Variants in LRP1B observed in about 807,000 individuals in gnomAD.
The protein encoded by LRP1B is LDL receptor related protein 1B, also known as low-density lipoprotein receptor-related protein 1B.
In LRP1B, 217 loss-of-function variants were observed where a neutral mutation model predicts 556.6. The ratio of observed to expected loss-of-function variants is 0.39; its 90% CI spans 0.35 to 0.44. The LOEUF is 0.44. Ranked by LOEUF, LRP1B falls within the 20% of genes least tolerant of loss-of-function variation. The probability of loss-of-function intolerance (pLI) is 1.00; values close to 1 mark genes in which losing one functional copy is unlikely to be tolerated. For missense variants in LRP1B, 5,053 were observed against 5,620.8 expected (o/e 0.90, Z 3.23); for synonymous variants, 2,047 against 1,865.8 (o/e 1.10, Z -2.50).
At chr2:140,315,461 G>C (rs1020317507) in intron 82 of LRP1B, among the ~76,000 whole-genome samples, 1 of 151,832 alleles carries the variant, frequency 6.6e-6, no homozygotes, top group Non-Finnish European at 1.5e-5. Flanking sequence ...CACCCAGACT[G>C]GTGGGCAGTG....
At chr2:141,384,527 G>C (rs1689760491) in intron 3 of LRP1B, among the ~76,000 whole-genome samples, 1 of 152,082 alleles carries the variant, frequency 6.6e-6, no homozygotes, top group South Asian at 2.1e-4. Flanking sequence ...GAATTTCTGG[G>C]GTGCCAGATG....
At chr2:142,084,373 C>T (rs1475367151) in intron 1 of LRP1B, among the ~76,000 whole-genome samples, 3 of 152,146 alleles carry the variant, frequency 2.0e-5, no homozygotes, top group Non-Finnish European at 1.5e-5. Flanking sequence ...TCTGAACCTT[C>T]GATTTTGACA....
intron 32 of LRP1B, among the ~76,000 whole-genome samples, chr2:140,785,871 GTT>G (rs1438773235): frequency 2.0e-5 from 3 of 152,254 alleles, no homozygotes; most frequent in African/African-American, 7.2e-5. Flanking sequence ...GACGGTCACT[GTT>G]TTTTCCCTCT....
chr2:140,258,399 A>C (rs1286816345), intron 86 of LRP1B, among the ~76,000 whole-genome samples: 2 of 152,026 alleles, frequency 1.3e-5, no homozygotes, highest in Non-Finnish European at 2.9e-5. Context: ...CCTAAATAGA[A>C]CTTGAGCTGG....
At chr2:140,495,524 T>C in intron 56 of LRP1B, 41 bp downstream of exon 56, 2 of 1,536,244 alleles carry the variant, frequency 1.3e-6, no homozygotes, top group Non-Finnish European at 8.9e-7. Context: ...GATCCATATG[T>C]ATAACTGAGG....
At chr2:140,372,952 T>G (rs1683057632) in intron 69 of LRP1B, 56 bp downstream of exon 69, 1 of 1,591,184 alleles carries the variant, frequency 6.3e-7, no homozygotes. Flanking sequence ...TGCTTAAATT[T>G]AAATTCTATC....
At chr2:140,899,696 A>T (rs10928077) in intron 23 of LRP1B, among the ~76,000 whole-genome samples, 133,702 of 152,174 alleles carry the variant, frequency 0.88, 59,389 homozygotes, top group South Asian at 0.97. Context: ...GAATAAAAGT[A>T]TGCTTTGTCA....
intron 2 of LRP1B, among the ~76,000 whole-genome samples, chr2:141,508,448 A>G (rs773924603): frequency 6.6e-6 from 1 of 152,216 alleles, no homozygotes; most frequent in African/African-American, 2.4e-5. Flanking sequence ...TAATTCATTT[A>G]TCAGAAGTTA....
At chr2:140,519,304 C>T (rs1558938815) in intron 49 of LRP1B, among the ~76,000 whole-genome samples, 1 of 152,136 alleles carries the variant, frequency 6.6e-6, no homozygotes, top group Non-Finnish European at 1.5e-5. Context: ...AGAAATAACA[C>T]TACACGTCTA....
intron 7 of LRP1B, among the ~76,000 whole-genome samples, chr2:141,114,361 G>A (rs1044094838): frequency 1.3e-5 from 2 of 152,208 alleles, no homozygotes; most frequent in Non-Finnish European, 2.9e-5. Context: ...TGGCCAGGAA[G>A]AATCAGGTCA....
intron 2 of LRP1B, among the ~76,000 whole-genome samples, chr2:141,790,770 C>A (rs1359850640): frequency 1.1e-4 from 17 of 151,916 alleles, no homozygotes; most frequent in Middle Eastern, 3.4e-3. Context: ...TTTAAGGCTA[C>A]TAATGTTATA....
At chr2:141,338,405 T>C (rs1476264000) in intron 3 of LRP1B, among the ~76,000 whole-genome samples, 1 of 152,164 alleles carries the variant, frequency 6.6e-6, no homozygotes, top group Non-Finnish European at 1.5e-5. Flanking sequence ...CTGGAGCTCT[T>C]TCTGACTGCA....
intron 80 of LRP1B, among the ~76,000 whole-genome samples, chr2:140,324,768 C>T (rs991075614): frequency 4.6e-5 from 7 of 151,008 alleles, no homozygotes; most frequent in African/African-American, 1.5e-4. Flanking sequence ...TATAAAGTGT[C>T]TTTATATTCA....
intron 78 of LRP1B, among the ~76,000 whole-genome samples, chr2:140,335,344 G>A (rs1681026050): frequency 6.6e-6 from 1 of 151,584 alleles, no homozygotes; most frequent in Non-Finnish European, 1.5e-5. Flanking sequence ...TCATTATTCT[G>A]CAATACACAC....
intron 11 of LRP1B, among the ~76,000 whole-genome samples, chr2:141,046,402 G>T: frequency 6.6e-6 from 1 of 152,020 alleles, no homozygotes; most frequent in East Asian, 1.9e-4. Context: ...CCAAATCTAA[G>T]TCTCTGCTTT....
chr2:141,487,821 A>T (rs1046361508), intron 2 of LRP1B, among the ~76,000 whole-genome samples: 3 of 152,198 alleles, frequency 2.0e-5, no homozygotes, highest in African/African-American at 7.2e-5. Flanking sequence ...TACAGTGAAA[A>T]GCATGTTAAG....
At chr2:140,790,542 GT>G (rs1225815480) in intron 32 of LRP1B, among the ~76,000 whole-genome samples, 1 of 151,960 alleles carries the variant, frequency 6.6e-6, no homozygotes, top group Non-Finnish European at 1.5e-5. Context: ...CTGACATTGA[GT>G]TTCAGCAGTA....
At chr2:141,755,892 C>T (rs568480566) in intron 2 of LRP1B, among the ~76,000 whole-genome samples, 62 of 151,902 alleles carry the variant, frequency 4.1e-4, no homozygotes, top group African/African-American at 1.5e-3. Context: ...TCACATAGGT[C>T]TAAACTTTAA....
At chr2:141,131,407 TTATATATA>T (rs67661603) in intron 7 of LRP1B, among the ~76,000 whole-genome samples, 5 of 110,682 alleles carry the variant, frequency 4.5e-5, no homozygotes, top group East Asian at 2.5e-4. Context: ...ATGCATAAAG[TTATATATA>T]TATATATATA....
Sources: gnomAD v4.1 joint callset for allele counts (sites outside exome capture counted in the v4.1 genomes callset) on GRCh38, gnomAD v4.1.1 for gene constraint, MANE v1.5 for transcripts, NCBI Gene and HGNC (gene_info 2026-07-23, HGNC 2026-07-21) for gene names.